PCDH15: variants seen among roughly 807,000 people sequenced by gnomAD.
PCDH15 encodes the protein protocadherin related 15.
A neutral mutation model predicts 178.5 loss-of-function variants in PCDH15; 129 were observed. The ratio of observed to expected loss-of-function variants is 0.72; its 90% confidence interval spans 0.63 to 0.84. PCDH15 has a LOEUF of 0.84. PCDH15 is among the 40% of genes least tolerant of loss of function. The probability of loss-of-function intolerance (pLI) is 0.00; values close to 1 mark genes in which losing one functional copy is unlikely to be tolerated. For synonymous variants in PCDH15, 800 were observed against 732.0 expected, an observed-to-expected ratio of 1.09 and a Z score of -1.50; for missense variants, 2,230 against 2,099.9, an observed-to-expected ratio of 1.06 and a Z score of -1.21.
chr10:54,991,194 T>G (rs770297200), intron 2 of PCDH15, among the ~76,000 whole-genome samples: 3 of 152,174 alleles, frequency 2.0e-5, no homozygotes, highest in Non-Finnish European at 4.4e-5. Context: ...TATTGACCAC[T>G]GTCTTTTTAA....
chr10:53,995,694 C>A lies in PCDH15; in HGVS notation c.2823G>T (p.Lys941Asn), dbSNP rs773599066. 1.1e-5 allele frequency: 18 copies of A among 1,613,770 alleles called. No individual in the cohort carries two copies. The African/African-American group carries it at 2.0e-4, about 18-fold the overall frequency. ...YKGMVAPDAV[K>N]GTPITTVYAE... Reference sequence around the variant, plus strand: ...CATAAACTGTTGTGATAGGTGTACCCTTGACTGCATCCGGAGCCACCATCC... The same window carrying A: ...CATAAACTGTTGTGATAGGTGTACCATTGACTGCATCCGGAGCCACCATCC... The change falls in exon 21 of 38, where the codon AAG (lysine) becomes AAT (asparagine). Residue 941 changes from lysine (K) to asparagine (N), a missense_variant. Transcript: ENST00000644397.
chr10:54,411,023 A>T (rs1953415692), intron 3 of PCDH15, among the ~76,000 whole-genome samples: 1 of 152,146 alleles, frequency 6.6e-6, no homozygotes, highest in Non-Finnish European at 1.5e-5. Context: ...GAGTTTAAGT[A>T]TGTGTCTCTG....
chr10:54,715,009 G>A (rs1436921878), intron 1 of PCDH15, among the ~76,000 whole-genome samples: 1 of 151,958 alleles, frequency 6.6e-6, no homozygotes, highest in African/African-American at 2.4e-5. Context: ...TAAGCTAATA[G>A]AAATTATTAA....
intron 3 of PCDH15, among the ~76,000 whole-genome samples, chr10:54,480,100 G>A (rs2078604439): frequency 6.6e-6 from 1 of 152,104 alleles, no homozygotes; most frequent in Non-Finnish European, 1.5e-5. Flanking sequence ...CAGTGGTTTT[G>A]CTAGCTAGTT....
intron 2 of PCDH15, among the ~76,000 whole-genome samples, chr10:55,418,733 A>G (rs1838547404): frequency 1.3e-5 from 2 of 151,858 alleles, no homozygotes; most frequent in Non-Finnish European, 1.5e-5. Context: ...ATATTAGAAG[A>G]AAAAAGAAAT....
intron 1 of PCDH15, among the ~76,000 whole-genome samples, chr10:55,259,731 C>T (rs964923573): frequency 2.6e-5 from 4 of 151,548 alleles, no homozygotes; most frequent in Admixed American, 6.6e-5. Context: ...GGAGAAACCC[C>T]GTCTCTACTA....
intron 3 of PCDH15, among the ~76,000 whole-genome samples, chr10:54,502,629 G>T (rs1051987039): frequency 2.0e-5 from 3 of 152,046 alleles, no homozygotes; most frequent in Non-Finnish European, 4.4e-5. Context: ...ACATGTACTT[G>T]TTGGATGACT....
chr10:54,082,314 T>C (rs1326083087), intron 16 of PCDH15, among the ~76,000 whole-genome samples: 1 of 152,134 alleles, frequency 6.6e-6, no homozygotes, highest in Non-Finnish European at 1.5e-5. Context: ...TTGAGGCGTA[T>C]AATAGAGTGC....
At chr10:54,389,047 A>G (rs1170159625) in intron 3 of PCDH15, among the ~76,000 whole-genome samples, 1 of 152,144 alleles carries the variant, frequency 6.6e-6, no homozygotes, top group Non-Finnish European at 1.5e-5. Flanking sequence ...TTAGGTCACT[A>G]TGAGCACTTT....
intron 1 of PCDH15, among the ~76,000 whole-genome samples, chr10:54,742,096 C>G (rs1476188464): frequency 1.3e-5 from 2 of 152,014 alleles, no homozygotes; most frequent in African/African-American, 4.8e-5. Context: ...ATATATATAG[C>G]AGAATATGTA....
rs566023362 is a variant in PCDH15, at chr10:55,406,046, T to C, written c.-156+221579A>G. 9.7e-5 allele frequency among the ~76,000 whole-genome samples: 14 copies of C among 144,014 alleles called. No individual in the cohort carries two copies. The South Asian group carries it at 2.6e-3, about 27-fold the overall frequency. The allele number at this position is 144,014 out of a possible 152,430, so 94.5% of individuals were successfully genotyped here. A position where few individuals can be genotyped will look rare whatever the true frequency, so the allele number is the denominator to read the frequency against. On this transcript the variant is annotated intron_variant, in intron 2 of 5. Coordinates refer to the PCDH15 transcript ENST00000613346. Reference sequence around the variant, plus strand: ...ATAGATTTTTAGTCATGTGGCTATCTAGTTGGCAGCATGTTCCCATCTAAA... The same window carrying C: ...ATAGATTTTTAGTCATGTGGCTATCCAGTTGGCAGCATGTTCCCATCTAAA...
chr10:54,149,714 A>G (rs1024381764), intron 14 of PCDH15, among the ~76,000 whole-genome samples: 8 of 152,260 alleles, frequency 5.3e-5, no homozygotes, highest in African/African-American at 1.7e-4. Context: ...ATGGATTGAG[A>G]TGTTTTCCAT....
intron 3 of PCDH15, among the ~76,000 whole-genome samples, chr10:54,868,073 T>C (rs1490853991): frequency 6.6e-6 from 1 of 152,174 alleles, no homozygotes; most frequent in African/African-American, 2.4e-5. Flanking sequence ...AGTTATACAA[T>C]GTAAGTATAT....
intron 23 of PCDH15, among the ~76,000 whole-genome samples, chr10:53,949,317 A>G (rs1369221687): frequency 1.3e-5 from 2 of 152,256 alleles, no homozygotes; most frequent in African/African-American, 4.8e-5. Flanking sequence ...CAGCTCTTAC[A>G]TTGGACAACA....
chr10:54,501,787 T>G (rs1404820665), intron 3 of PCDH15, among the ~76,000 whole-genome samples: 2 of 152,066 alleles, frequency 1.3e-5, no homozygotes, highest in Non-Finnish European at 2.9e-5. Flanking sequence ...ATGATTTGTT[T>G]TATTTGATTT....
chr10:55,475,776 C>T (rs1435237122), intron 2 of PCDH15, among the ~76,000 whole-genome samples: 1 of 152,088 alleles, frequency 6.6e-6, no homozygotes, highest in Non-Finnish European at 1.5e-5. Flanking sequence ...ACACTTTGGT[C>T]CCAAGCCTTT....
At chr10:55,118,288 C>T (rs531075642) in intron 2 of PCDH15, among the ~76,000 whole-genome samples, 110 of 152,278 alleles carry the variant, frequency 7.2e-4, no homozygotes, top group Non-Finnish European at 1.1e-3. Flanking sequence ...TCTAGGTAGA[C>T]ACTGTTGAAT....
chr10:54,576,567 A>G (rs2090498163), intron 2 of PCDH15, among the ~76,000 whole-genome samples: 1 of 152,202 alleles, frequency 6.6e-6, no homozygotes, highest in Non-Finnish European at 1.5e-5. Flanking sequence ...TGAAATTATC[A>G]AAGAAAAGAG....
chr10:55,273,810 A>G (rs1462782945), intron 1 of PCDH15, among the ~76,000 whole-genome samples: 3 of 152,254 alleles, frequency 2.0e-5, no homozygotes, highest in Admixed American at 2.0e-4. Context: ...CACTTGCCAA[A>G]TAAGCATATA....
Sources: gnomAD v4.1 joint callset for allele counts (sites outside exome capture counted in the v4.1 genomes callset) on GRCh38, gnomAD v4.1.1 for gene constraint, MANE v1.5 for transcripts, NCBI Gene and HGNC (gene_info 2026-07-23, HGNC 2026-07-21) for gene names.